The following PLCL1 variants were observed in gnomAD, a reference collection of about 807,000 sequenced individuals.
PLCL1 encodes inactive phospholipase C-like protein 1.
A neutral mutation model predicts 84.4 loss-of-function variants in PLCL1; 41 were observed. The observed-to-expected ratio is 0.49, with a 90% CI of 0.38 to 0.63. The LOEUF (loss-of-function observed/expected upper bound fraction) is 0.63, where lower values mean the gene tolerates loss of function less well. Ranked by LOEUF, PLCL1 falls within the 30% of genes least tolerant of loss-of-function variation. PLCL1 has a pLI of 0.00. For missense variants in PLCL1, 1,206 were observed against 1,367.8 expected (o/e 0.88, Z 1.87); for synonymous variants, 490 against 488.3 (o/e 1.00, Z -0.05).
chr2:198,052,699 G>A (rs1267987801), intron 1 of PLCL1, among the ~76,000 whole-genome samples: 1 of 152,126 alleles, frequency 6.6e-6, no homozygotes, highest in African/African-American at 2.4e-5. Flanking sequence ...GAAATGTGGG[G>A]CCTTTTCTGT....
At position 197,897,164 on chromosome 2, in the gene PLCL1, T is replaced by TCTC. The variant is rs1559038546; in HGVS notation, c.240+91827_240+91828insCCT. On this transcript the variant is annotated intron_variant, in intron 1 of 5. Transcript: ENST00000428675. ...TTCTTCTTCTTCTTCTTCTTCTTCT[T>TCTC]CTTCTTCTTCTTCTTCTTCTTCTTC... is the stretch of plus-strand genomic sequence containing the variant. 5.7e-4 allele frequency among the ~76,000 whole-genome samples: 25 copies of TCTC among 43,918 alleles called. 1 individual carries two copies. Among genetic ancestry groups the TCTC allele is most frequent in the Non-Finnish European group, 8.5e-4 (21 of 24,642 alleles). The allele number at this position is 43,918 out of a possible 152,430, so 28.8% of individuals were successfully genotyped here.
intron 5 of PLCL1, among the ~76,000 whole-genome samples, chr2:198,136,047 C>T (rs1694248155): frequency 6.6e-6 from 1 of 152,076 alleles, no homozygotes; most frequent in East Asian, 1.9e-4. Context: ...TTTTTTTGGA[C>T]TAATGAGTAA....
intron 1 of PLCL1, among the ~76,000 whole-genome samples, chr2:197,956,854 C>T (rs1689506600): frequency 6.6e-6 from 1 of 151,716 alleles, no homozygotes; most frequent in Non-Finnish European, 1.5e-5. Context: ...CAAAAATTTT[C>T]TCCCATTCTG....
At chr2:197,944,942 A>G (rs1359801692) in intron 1 of PLCL1, among the ~76,000 whole-genome samples, 3 of 152,158 alleles carry the variant, frequency 2.0e-5, no homozygotes, top group African/African-American at 7.2e-5. Context: ...CTTTGTGGTT[A>G]TGGAATTTTG....
At chr2:197,911,339 AAAAT>A (rs561111386) in intron 1 of PLCL1, among the ~76,000 whole-genome samples, 5 of 152,000 alleles carry the variant, frequency 3.3e-5, no homozygotes, top group African/African-American at 9.7e-5. Context: ...CCTGTCTCAA[AAAAT>A]AAATAAATAA....
At chr2:198,092,306 C>G (rs1486273554) in intron 3 of PLCL1, among the ~76,000 whole-genome samples, 1 of 152,200 alleles carries the variant, frequency 6.6e-6, no homozygotes, top group African/African-American at 2.4e-5. Flanking sequence ...ATCTGCTTCT[C>G]CAGCCTCATT....
intron 1 of PLCL1, among the ~76,000 whole-genome samples, chr2:197,998,216 T>TGTGA (rs1288667570): frequency 3.7e-4 from 55 of 149,190 alleles, no homozygotes; most frequent in African/African-American, 1.0e-3. Flanking sequence ...TGTGTGTGTG[T>TGTGA]GATATGAGAT....
At chr2:197,890,699 T>TAC (rs1464598939) in intron 1 of PLCL1, among the ~76,000 whole-genome samples, 11 of 131,640 alleles carry the variant, frequency 8.4e-5, no homozygotes, top group African/African-American at 2.4e-4. Context: ...TATATATATA[T>TAC]ATACACACAC....
intron 1 of PLCL1, among the ~76,000 whole-genome samples, chr2:197,966,805 G>T (rs1689750834): frequency 6.6e-6 from 1 of 151,312 alleles, no homozygotes; most frequent in Non-Finnish European, 1.5e-5. Flanking sequence ...ATTGATGGAG[G>T]CTACTATTTG....
At position 198,084,558 on chromosome 2, in the gene PLCL1, T is replaced by C. The variant is rs761160580; in HGVS notation, c.1041T>C (p.His347=). ...LFLEAEQGVT[H]ITEDICLDII... is the part of the protein sequence containing the mutation. The stretch of plus-strand genomic sequence containing the variant: ...TAGAAGCTGAGCAAGGAGTCACCCA[T>C]ATCACCGAGGATATATGCTTAGACA... Residue 347 remains histidine, a synonymous_variant, in exon 2 of 6, where the codon CAT becomes CAC. Coordinates refer to ENST00000428675, the MANE Select transcript of PLCL1 (RefSeq NM_006226.4). 2 of 1,613,878 alleles carry C rather than the reference T, an allele frequency of 1.2e-6. No homozygotes were observed. The highest frequency in any genetic ancestry group is 1.7e-6 in the Non-Finnish European group (2 of 1,179,780).
intron 4 of PLCL1, among the ~76,000 whole-genome samples, chr2:198,101,968 T>C (rs1199943471): frequency 6.6e-6 from 1 of 152,034 alleles, no homozygotes; most frequent in Non-Finnish European, 1.5e-5. Context: ...GCTTGATACA[T>C]TGCATATGCT....
At chr2:198,065,563 GTTGTATTGT>G (rs1462500440) in intron 1 of PLCL1, among the ~76,000 whole-genome samples, 1 of 152,116 alleles carries the variant, frequency 6.6e-6, no homozygotes, top group Non-Finnish European at 1.5e-5. Flanking sequence ...TCATAAAACG[GTTGTATTGT>G]TTGGCCTTAT....
At chr2:197,915,610 C>A (rs1407395958) in intron 1 of PLCL1, among the ~76,000 whole-genome samples, 1 of 151,388 alleles carries the variant, frequency 6.6e-6, no homozygotes, top group Non-Finnish European at 1.5e-5. Context: ...AGGTGGAGAT[C>A]TTTCTTCTTC....
At chr2:197,852,031 G>C (rs59772572) in intron 1 of PLCL1, among the ~76,000 whole-genome samples, 3 of 152,340 alleles carry the variant, frequency 2.0e-5, no homozygotes, top group Admixed American at 6.5e-5. Flanking sequence ...GTTGGCATTT[G>C]ATTTTGCTAT....
At chr2:197,934,410 C>T (rs1689009572) in intron 1 of PLCL1, among the ~76,000 whole-genome samples, 1 of 152,192 alleles carries the variant, frequency 6.6e-6, no homozygotes, top group African/African-American at 2.4e-5. Context: ...GAGAATATCA[C>T]TGTTCTTGCT....
At chr2:197,976,809 T>C (rs1202856715) in intron 1 of PLCL1, among the ~76,000 whole-genome samples, 1 of 152,222 alleles carries the variant, frequency 6.6e-6, no homozygotes, top group Admixed American at 6.5e-5. Flanking sequence ...CAGACCTGCT[T>C]GACATTTGAA....
At chr2:198,070,283 C>CA (rs1446865705) in intron 1 of PLCL1, among the ~76,000 whole-genome samples, 1 of 152,034 alleles carries the variant, frequency 6.6e-6, no homozygotes, top group Middle Eastern at 3.2e-3. Flanking sequence ...TAATTGAAAT[C>CA]AAATTGATTT....
chr2:198,030,569 T>C (rs2105848638), intron 1 of PLCL1, among the ~76,000 whole-genome samples: 1 of 152,234 alleles, frequency 6.6e-6, no homozygotes, highest in East Asian at 1.9e-4. Flanking sequence ...ATGCTAGCAA[T>C]AGTATGATGA....
intron 1 of PLCL1, among the ~76,000 whole-genome samples, chr2:197,971,045 A>AT (rs1270122779): frequency 6.6e-6 from 1 of 152,206 alleles, no homozygotes; most frequent in Non-Finnish European, 1.5e-5. Flanking sequence ...TCCTGATGAA[A>AT]TTTTTTAGCA....
Sources: allele counts gnomAD v4.1 joint callset (sites outside exome capture counted in the v4.1 genomes callset), GRCh38; gene constraint gnomAD v4.1.1; transcripts MANE v1.5; gene names NCBI Gene and HGNC (gene_info 2026-07-23, HGNC 2026-07-21).